Variants in PDE10A observed in about 807,000 individuals in gnomAD.
PDE10A encodes the protein cAMP and cAMP-inhibited cGMP 3',5'-cyclic phosphodiesterase 10A.
In PDE10A, 39 loss-of-function variants were observed where a neutral mutation model predicts 97.7. That is an observed-to-expected ratio of 0.40 (90% confidence interval 0.31 to 0.52). PDE10A has a LOEUF of 0.52. Among genes scored for constraint, PDE10A ranks in the 20% least tolerant of loss-of-function variants. The pLI, the probability that PDE10A is intolerant of heterozygous loss-of-function variation, is 0.56. For synonymous variants in PDE10A, 371 were observed against 376.8 expected, an observed-to-expected ratio of 0.98 and a Z score of 0.18; for missense variants, 731 against 1,047.8, an observed-to-expected ratio of 0.70 and a Z score of 4.17.
chr6:165,857,703 G>GTA (rs1221273325), intron 1 of PDE10A, among the ~76,000 whole-genome samples: 3 of 108,622 alleles, frequency 2.8e-5, no homozygotes, highest in African/African-American at 9.8e-5. Context: ...AGTTCCGTGT[G>GTA]TGTGTGTGTG....
chr6:165,394,090 T>C (rs1390101503), intron 15 of PDE10A, among the ~76,000 whole-genome samples: 2 of 151,874 alleles, frequency 1.3e-5, no homozygotes, highest in African/African-American at 4.8e-5. Flanking sequence ...TATTATACTT[T>C]AAGTTCTGGG....
At chr6:165,510,298 T>C (rs2128301016) in intron 2 of PDE10A, among the ~76,000 whole-genome samples, 2 of 152,192 alleles carry the variant, frequency 1.3e-5, no homozygotes, top group East Asian at 3.9e-4. Context: ...ATCATATGGT[T>C]TTCGTCCTTC....
chr6:165,519,989 AAAGG>A (rs760952830), intron 2 of PDE10A, among the ~76,000 whole-genome samples: 1 of 152,158 alleles, frequency 6.6e-6, no homozygotes, highest in Non-Finnish European at 1.5e-5. Context: ...AAGTAAGTGG[AAAGG>A]AACTCAGTGG....
chr6:165,747,059 T>C lies in PDE10A; in HGVS notation c.-614-203491A>G, dbSNP rs78156202. On this transcript the variant is annotated intron_variant, in intron 1 of 19. Coordinates refer to the PDE10A transcript ENST00000366882. ...TTATATTCTTTTTTTCTGATGAGAC[T>C]ATGCTATATCTTAGTTCAATAAAAC... Among the ~76,000 whole-genome samples the C allele has an allele frequency of 1.9e-3, 286 of 152,316 alleles. 1 individual carries two copies. The highest frequency in any genetic ancestry group is 6.4e-3 in the African/African-American group (265 of 41,578).
chr6:165,614,831 T>C (rs532138290), intron 1 of PDE10A, among the ~76,000 whole-genome samples: 1 of 150,842 alleles, frequency 6.6e-6, no homozygotes, highest in African/African-American at 2.5e-5. Flanking sequence ...ATGCTGAGTG[T>C]AGGAGGCATT....
intron 2 of PDE10A, among the ~76,000 whole-genome samples, chr6:165,525,788 A>C (rs761420425): frequency 9.5e-4 from 145 of 152,142 alleles, no homozygotes; most frequent in Non-Finnish European, 1.4e-3. Flanking sequence ...TGGACAGCAG[A>C]GACAAAACAG....
At chr6:165,483,457 A>G (rs1779719279) in intron 2 of PDE10A, among the ~76,000 whole-genome samples, 1 of 152,160 alleles carries the variant, frequency 6.6e-6, no homozygotes, top group Admixed American at 6.5e-5. Flanking sequence ...TGTCATAGGG[A>G]AAATATCTTA....
At chr6:165,847,760 T>G (rs1352403054) in intron 1 of PDE10A, among the ~76,000 whole-genome samples, 1 of 152,248 alleles carries the variant, frequency 6.6e-6, no homozygotes, top group African/African-American at 2.4e-5. Context: ...TTAAGGGAAC[T>G]AAATGATTTG....
intron 1 of PDE10A, among the ~76,000 whole-genome samples, chr6:165,618,450 T>C (rs905573505): frequency 6.6e-6 from 1 of 152,106 alleles, no homozygotes; most frequent in African/African-American, 2.4e-5. Context: ...GTGTCCACCA[T>C]CTCCATCAGC....
At chr6:165,805,002 G>T (rs981532370) in intron 1 of PDE10A, among the ~76,000 whole-genome samples, 1 of 148,282 alleles carries the variant, frequency 6.7e-6, no homozygotes, top group African/African-American at 2.5e-5. Flanking sequence ...CGAGCATAGG[G>T]GCGCACGGAG....
intron 1 of PDE10A, among the ~76,000 whole-genome samples, chr6:165,739,667 C>A (rs1340828605): frequency 6.6e-6 from 1 of 151,982 alleles, no homozygotes; most frequent in African/African-American, 2.4e-5. Flanking sequence ...AAAAAAGCCT[C>A]TGTGTAGCAA....
intron 3 of PDE10A, among the ~76,000 whole-genome samples, chr6:165,460,714 A>G (rs2128258549): frequency 6.6e-6 from 1 of 152,284 alleles, no homozygotes; most frequent in Admixed American, 6.5e-5. Context: ...GGACTATTCA[A>G]CCAATTATAA....
At chr6:165,407,146 T>G (rs182238216) in intron 13 of PDE10A, among the ~76,000 whole-genome samples, 99 of 152,326 alleles carry the variant, frequency 6.5e-4, no homozygotes, top group Middle Eastern at 3.4e-3. Context: ...CTGTTGGTTC[T>G]GTTTCTCTGG....
At chr6:165,746,949 G>A (rs1425346928) in intron 1 of PDE10A, among the ~76,000 whole-genome samples, 1 of 152,082 alleles carries the variant, frequency 6.6e-6, no homozygotes. Flanking sequence ...CCTTTCAAAA[G>A]TGCTTCTTAA....
At chr6:165,941,209 C>T (rs978379212) in intron 1 of PDE10A, among the ~76,000 whole-genome samples, 4 of 152,100 alleles carry the variant, frequency 2.6e-5, no homozygotes, top group African/African-American at 4.8e-5. Context: ...AGGACTAAAC[C>T]AGATGATACC....
rs139739802 is a variant in PDE10A, at chr6:165,938,870, T to C, written c.-615+48659A>G. 2.6e-3 allele frequency among the ~76,000 whole-genome samples: 390 copies of C among 152,280 alleles called. 3 individuals carry two copies. The highest frequency in any genetic ancestry group is 8.9e-3 in the African/African-American group (371 of 41,534). On this transcript the variant is annotated intron_variant, in intron 1 of 19. Transcript: ENST00000366882. ...AGATAATAAAATTCTATTTGGAGAC[T>C]AGAAATAAAATTCTATTTGGAGAAA...
intron 1 of PDE10A, among the ~76,000 whole-genome samples, chr6:165,847,564 C>T (rs922923071): frequency 6.6e-6 from 1 of 152,246 alleles, no homozygotes; most frequent in Non-Finnish European, 1.5e-5. Context: ...GAGTCGGCCA[C>T]GGGGCCATCA....
At chr6:165,431,531 C>G (rs1583272826) in intron 7 of PDE10A, 59 bp from the exon 8 acceptor site, 2 of 569,430 alleles carry the variant, frequency 3.5e-6, no homozygotes, top group Non-Finnish European at 2.9e-6. Context: ...TATATATATA[C>G]TATATATAAT....
At chr6:165,597,652 A>C (rs1268418555) in intron 1 of PDE10A, among the ~76,000 whole-genome samples, 1 of 152,234 alleles carries the variant, frequency 6.6e-6, no homozygotes, top group East Asian at 1.9e-4. Context: ...GAAAAAAACA[A>C]ACCCACTTTA....
Sources: gnomAD v4.1 joint callset for allele counts (sites outside exome capture counted in the v4.1 genomes callset) on GRCh38, gnomAD v4.1.1 for gene constraint, MANE v1.5 for transcripts, NCBI Gene and HGNC (gene_info 2026-07-23, HGNC 2026-07-21) for gene names.